The following TMEM248 variants were observed in gnomAD, a reference collection of about 807,000 sequenced individuals.
TMEM248 encodes the protein transmembrane protein 248.
In TMEM248, 9 loss-of-function variants were observed where a neutral mutation model predicts 30.3. That is an observed-to-expected ratio of 0.30 (90% CI 0.18 to 0.52). The LOEUF (loss-of-function observed/expected upper bound fraction) is 0.52, where lower values mean the gene tolerates loss of function less well. TMEM248 is among the 20% of genes least tolerant of loss of function. The probability of loss-of-function intolerance (pLI) is 0.97; values close to 1 mark genes in which losing one functional copy is unlikely to be tolerated. For synonymous variants in TMEM248, 184 were observed against 154.4 expected (o/e 1.19, Z -1.42); for missense variants, 338 against 403.3 (o/e 0.84, Z 1.39).
chr7:66,953,501 C>A, intron 6 of TMEM248, 132 bp downstream of exon 6: 1 of 1,269,074 alleles, frequency 7.9e-7, no homozygotes, highest in Non-Finnish European at 1.1e-6. Context: ...CCCTTGGTAT[C>A]CGAGGAGGAT....
At chr7:66,946,748 T>A (rs556814684) in intron 3 of TMEM248, among the ~76,000 whole-genome samples, 1 of 152,280 alleles carries the variant, frequency 6.6e-6, no homozygotes, top group Non-Finnish European at 1.5e-5. Context: ...TACATACTTA[T>A]AAAATGTGGA....
At chr7:66,931,778 A>C (rs1165316550) in intron 1 of TMEM248, among the ~76,000 whole-genome samples, 2 of 138,140 alleles carry the variant, frequency 1.4e-5, no homozygotes, top group Non-Finnish European at 3.1e-5. Context: ...GTGCCCAACC[A>C]GGAGGCCTTC....
intron 1 of TMEM248, among the ~76,000 whole-genome samples, chr7:66,926,191 C>T (rs970284216): frequency 7.9e-5 from 12 of 152,308 alleles, no homozygotes; most frequent in African/African-American, 2.2e-4. Flanking sequence ...AACATCTGTT[C>T]GTGTCCCTTG....
intron 2 of TMEM248, among the ~76,000 whole-genome samples, chr7:66,943,921 A>C (rs1030815058): frequency 7.2e-5 from 11 of 151,950 alleles, no homozygotes; most frequent in African/African-American, 2.2e-4. Flanking sequence ...CAGCCTTCCA[A>C]GTAGCTGGGA....
chr7:66,949,495 G>A (rs1225528142), intron 4 of TMEM248, among the ~76,000 whole-genome samples: 1 of 152,018 alleles, frequency 6.6e-6, no homozygotes, highest in African/African-American at 2.4e-5. Context: ...ATAAAACAAA[G>A]ATAAAGGTTT....
At chr7:66,940,014 C>T (rs1199312582) in intron 1 of TMEM248, among the ~76,000 whole-genome samples, 6 of 151,808 alleles carry the variant, frequency 4.0e-5, no homozygotes, top group Non-Finnish European at 7.4e-5. Context: ...AGTGCAGTGG[C>T]GTGATCCTGT....
Position 66,955,625 on chromosome 7 carries a change from T to C in TMEM248, c.*103T>C, listed in dbSNP as rs1792381308. On this transcript the variant is annotated 3_prime_UTR_variant, in exon 7 of 7. Transcript: ENST00000341567. ...GCTCTGTGAATACATTATCTTGCGA[T>C]GTTGGGTTATTCCAGCCAAAGACAT... 6.6e-6 allele frequency: 9 copies of C among 1,371,726 alleles called. No individual in the cohort carries two copies. Among genetic ancestry groups the C allele is most frequent in the Middle Eastern group, 2.5e-4 (1 of 4,072 alleles). 85.0% of individuals were successfully genotyped at this position (1,371,726 alleles called of 1,614,324 possible).
intron 1 of TMEM248, among the ~76,000 whole-genome samples, chr7:66,922,966 A>G (rs1385180599): frequency 5.9e-5 from 9 of 152,046 alleles, no homozygotes; most frequent in Non-Finnish European, 1.3e-4. Flanking sequence ...TCGGCCTCCC[A>G]AAGTTCTGGA....
At chr7:66,939,615 C>T (rs1791893923) in intron 1 of TMEM248, among the ~76,000 whole-genome samples, 1 of 152,176 alleles carries the variant, frequency 6.6e-6, no homozygotes, top group East Asian at 1.9e-4. Flanking sequence ...TTCTAGGGGC[C>T]AGGGGCCAGG....
At position 66,957,147 on chromosome 7, in the gene TMEM248, TC is replaced by T. The variant is rs560412643; in HGVS notation, c.*1628del. ...ATTGTCACTAATAACTTCTGTGTTC[TC>T]CCAGGCAGTGTTATAACAGAAGGGC... is the stretch of plus-strand genomic sequence containing the variant. On this transcript the variant is annotated 3_prime_UTR_variant, in exon 7 of 7. Transcript: ENST00000341567. 1.3e-3 allele frequency: 195 copies of T among 152,784 alleles called. 1 individual carries two copies. The highest frequency in any genetic ancestry group is 4.5e-3 in the African/African-American group (188 of 41,586). 9.5% of individuals were successfully genotyped at this position (152,784 alleles called of 1,614,324 possible).
intron 1 of TMEM248, among the ~76,000 whole-genome samples, chr7:66,924,075 C>G (rs1562935213): frequency 1.3e-5 from 2 of 152,256 alleles, no homozygotes; most frequent in Admixed American, 6.5e-5. Flanking sequence ...GAAAAAGATG[C>G]TGATTGTCAT....
intron 6 of TMEM248, 54 bp downstream of exon 6, chr7:66,953,423 G>A: frequency 6.3e-7 from 1 of 1,586,864 alleles, no homozygotes; most frequent in South Asian, 1.1e-5. Flanking sequence ...TCTGTATACA[G>A]AAAGTCCCAG....
intron 5 of TMEM248, 31 bp from the exon 6 acceptor site, chr7:66,953,195 G>A (rs994000614): frequency 2.5e-6 from 4 of 1,611,432 alleles, no homozygotes; most frequent in Middle Eastern, 1.6e-4. Flanking sequence ...CAGAGCAGAT[G>A]TTTCTGATTT....
At chr7:66,953,789 A>G (rs1401482258) in intron 6 of TMEM248, among the ~76,000 whole-genome samples, 2 of 152,004 alleles carry the variant, frequency 1.3e-5, no homozygotes, top group African/African-American at 4.8e-5. Context: ...CATTTTTAGT[A>G]GAGACCGGGT....
chr7:66,927,114 G>A (rs1320817033), intron 1 of TMEM248, among the ~76,000 whole-genome samples: 3 of 152,106 alleles, frequency 2.0e-5, no homozygotes, highest in Non-Finnish European at 2.9e-5. Flanking sequence ...GTTTAAGATG[G>A]TTGGCAATTA....
chr7:66,947,708 T>C (rs1199193945), intron 3 of TMEM248, among the ~76,000 whole-genome samples: 1 of 151,950 alleles, frequency 6.6e-6, no homozygotes, highest in African/African-American at 2.4e-5. Flanking sequence ...GGCTATTTTT[T>C]AATTTTAATT....
At chr7:66,944,301 C>T (rs1394506679) in intron 2 of TMEM248, among the ~76,000 whole-genome samples, 1 of 151,754 alleles carries the variant, frequency 6.6e-6, no homozygotes, top group Non-Finnish European at 1.5e-5. Flanking sequence ...GACGTGGTTT[C>T]ACCATGTTGC....
chr7:66,941,958 C>T lies in TMEM248; in HGVS notation c.93C>T (p.Ala31=), dbSNP rs777319360. ...TCATGATCAGCGTAAGCGCCATGGC[C>T]ATAGCTTTCCTGACCCTGGGCTACT... ...VVFMISVSAM[A]IAFLTLGYFF... The change falls in exon 2 of 7, where the codon GCC becomes GCT. Residue 31 remains alanine (A), a synonymous_variant. Transcript: ENST00000341567. The T allele has an allele frequency of 6.2e-7, 1 of 1,614,128 alleles. No homozygotes were observed. Among genetic ancestry groups the T allele is most frequent in the Non-Finnish European group, 8.5e-7 (1 of 1,180,020 alleles).
chr7:66,942,338 C>T (rs575311962), intron 2 of TMEM248, among the ~76,000 whole-genome samples: 8 of 152,286 alleles, frequency 5.3e-5, no homozygotes, highest in Admixed American at 5.2e-4. Flanking sequence ...TGTAATATTC[C>T]ATCTCAAATG....
Sources: gnomAD v4.1 joint callset for allele counts (sites outside exome capture counted in the v4.1 genomes callset) on GRCh38, gnomAD v4.1.1 for gene constraint, MANE v1.5 for transcripts, NCBI Gene and HGNC (gene_info 2026-07-23, HGNC 2026-07-21) for gene names.